The following LRRFIP1 variants were observed in gnomAD, a reference collection of about 807,000 sequenced individuals.
LRRFIP1 encodes the protein leucine-rich repeat flightless-interacting protein 1.
A neutral mutation model predicts 104.4 loss-of-function variants in LRRFIP1; 62 were observed. That is an observed-to-expected ratio of 0.59 (90% CI 0.48 to 0.73). LRRFIP1 has a LOEUF of 0.73. Ranked by LOEUF, LRRFIP1 falls within the 30% of genes least tolerant of loss-of-function variation. The pLI, the probability that LRRFIP1 is intolerant of heterozygous loss-of-function variation, is 0.00. For synonymous variants in LRRFIP1, 300 were observed against 299.0 expected (o/e 1.00, Z -0.03); for missense variants, 796 against 824.5 (o/e 0.97, Z 0.42).
At chr2:237,727,142 G>T (rs1256468926) in intron 7 of LRRFIP1, among the ~76,000 whole-genome samples, 3 of 152,150 alleles carry the variant, frequency 2.0e-5, no homozygotes, top group Admixed American at 6.5e-5. Flanking sequence ...CGGATCACGA[G>T]GTCAGGAGTT....
At chr2:237,732,824 C>T (rs2095070444) in intron 8 of LRRFIP1, among the ~76,000 whole-genome samples, 1 of 152,164 alleles carries the variant, frequency 6.6e-6, no homozygotes, top group Admixed American at 6.5e-5. Context: ...TAATCTGCCT[C>T]CTTGGTCCCT....
Position 237,757,484 on chromosome 2 carries a change from C to A in LRRFIP1, c.1160C>A (p.Ala387Glu). The change falls in exon 17 of 24, where the codon GCG (alanine) becomes GAG (glutamate). Residue 387 changes from alanine to glutamate, a missense_variant. Physicochemically the swap from Ala to Glu is moderately radical, Grantham distance 107 (BLOSUM62 -1). Coordinates refer to ENST00000308482, the MANE Select transcript of LRRFIP1 (RefSeq NM_001137550.2). ...ATCCGACAGCTACAGCAGAAACAGG[C>A]GAGTTCTATCAGGGAGATTTCTGAT... ...EEIRQLQQKQASSIREISDLQ... is the reference protein window; with the variant it reads ...EEIRQLQQKQESSIREISDLQ... 1 of 1,595,986 alleles carries A rather than the reference C, an allele frequency of 6.3e-7. No homozygotes were observed. The highest frequency in any genetic ancestry group is 1.7e-5 in the Admixed American group (1 of 57,354).
chr2:237,750,636 T>C (rs2058507494), intron 13 of LRRFIP1, among the ~76,000 whole-genome samples: 1 of 152,114 alleles, frequency 6.6e-6, no homozygotes, highest in Admixed American at 6.5e-5. Context: ...GCGCCTGGCC[T>C]GTTGTTTCCG....
intron 1 of LRRFIP1, among the ~76,000 whole-genome samples, chr2:237,666,801 T>TTC (rs2089403248): frequency 1.9e-4 from 4 of 21,140 alleles, no homozygotes; most frequent in Non-Finnish European, 2.5e-4. Flanking sequence ...CTCTTTCTCT[T>TTC]TCTTTCTCTT....
intron 1 of LRRFIP1, among the ~76,000 whole-genome samples, chr2:237,647,516 G>T (rs2085121517): frequency 6.6e-6 from 1 of 152,018 alleles, no homozygotes; most frequent in African/African-American, 2.4e-5. Flanking sequence ...TCAGATGGGT[G>T]CCCCCCCACC....
intron 19 of LRRFIP1, chr2:237,764,350 G>A (rs908040131): frequency 6.8e-7 from 1 of 1,478,400 alleles, no homozygotes; most frequent in African/African-American, 1.4e-5. Flanking sequence ...AGACATATTT[G>A]TTATCAGTGT....
At chr2:237,768,993 T>C (rs1451543598) in intron 19 of LRRFIP1, 1 of 152,296 alleles carries the variant, frequency 6.6e-6, no homozygotes, top group Non-Finnish European at 1.5e-5. Context: ...AGTGTTCCCG[T>C]GGCTGGGCCG....
At position 237,739,212 on chromosome 2, in the gene LRRFIP1, G is replaced by A. The variant is rs2095341164; in HGVS notation, c.556-20G>A. ...TCCTTTGTTTCTGGCTGCGTGTCCTGGCGGTGGCTGTGTGGGCAGCCCTCG... is the reference window on the plus strand; with the variant it reads ...TCCTTTGTTTCTGGCTGCGTGTCCTAGCGGTGGCTGTGTGGGCAGCCCTCG... On this transcript the variant is annotated intron_variant, in intron 10 of 23. Coordinates refer to ENST00000308482, the MANE Select transcript of LRRFIP1 (RefSeq NM_001137550.2). 1 of 1,552,148 alleles carries A rather than the reference G, an allele frequency of 6.4e-7. No individual in the cohort carries two copies. Among genetic ancestry groups the A allele is most frequent in the Non-Finnish European group, 8.7e-7 (1 of 1,147,812 alleles).
At chr2:237,677,183 A>G (rs1345589170) in intron 1 of LRRFIP1, among the ~76,000 whole-genome samples, 1 of 152,056 alleles carries the variant, frequency 6.6e-6, no homozygotes, top group African/African-American at 2.4e-5. Context: ...GCCCCCATTA[A>G]ACGCTGACTC....
intron 1 of LRRFIP1, chr2:237,692,095 G>C (rs2092820289): frequency 1.4e-6 from 1 of 725,538 alleles, no homozygotes; most frequent in Non-Finnish European, 1.7e-6. Flanking sequence ...CGAGTCATGG[G>C]GCGGGGACGG....
rs541064729 is a variant in LRRFIP1, at chr2:237,659,582, TTTATA to T, written c.96+31849_96+31853del. On this transcript the variant is annotated intron_variant, in intron 1 of 23. Transcript: ENST00000308482. ...AAAACTATATATAATTTTATATATA[TTTATA>T]TTATATATGTTTATAATATATTTAT... 3.6e-4 allele frequency among the ~76,000 whole-genome samples: 54 copies of T among 148,220 alleles called. 2 individuals carry two copies. In the South Asian group the frequency reaches 0.011, roughly 31 times the overall value.
chr2:237,693,663 G>A (rs2092967794), intron 1 of LRRFIP1, among the ~76,000 whole-genome samples: 1 of 152,178 alleles, frequency 6.6e-6, no homozygotes, highest in Admixed American at 6.5e-5. Context: ...TGGGAATGTG[G>A]TTGAGCGGTG....
At chr2:237,775,365 G>A (rs1436803749) in intron 23 of LRRFIP1, among the ~76,000 whole-genome samples, 1 of 152,234 alleles carries the variant, frequency 6.6e-6, no homozygotes, top group African/African-American at 2.4e-5. Context: ...AGTCAGAGCG[G>A]TGGAGGCCAA....
At chr2:237,693,111 T>A (rs1238494077) in intron 1 of LRRFIP1, among the ~76,000 whole-genome samples, 1 of 152,246 alleles carries the variant, frequency 6.6e-6, no homozygotes, top group African/African-American at 2.4e-5. Flanking sequence ...GGGCTACGGC[T>A]GTAGTTTGGC....
chr2:237,640,569 G>A (rs2083792626), intron 1 of LRRFIP1, among the ~76,000 whole-genome samples: 1 of 152,070 alleles, frequency 6.6e-6, no homozygotes, highest in African/African-American at 2.4e-5. Flanking sequence ...GATGAGAAGG[G>A]GGACTGGATG....
Position 237,717,603 on chromosome 2 carries a change from G to A in LRRFIP1, c.202-159G>A, listed in dbSNP as rs10176219. On this transcript the variant is annotated intron_variant, in intron 3 of 23. Coordinates refer to ENST00000308482, the MANE Select transcript of LRRFIP1 (RefSeq NM_001137550.2). The surrounding 1 kb of genome is among the most constrained non-coding windows in gnomAD (Gnocchi z 4.2). ...GACTGCACGGGTGGCGGTCCCTGTG[G>A]AGAAGCCAGGCCTGGTGCCGACTGC... Among the ~76,000 whole-genome samples, 955 of 152,346 alleles carry A rather than the reference G, an allele frequency of 6.3e-3. 19 individuals carry two copies. The highest frequency in any genetic ancestry group is 0.022 in the African/African-American group (902 of 41,578).
intron 1 of LRRFIP1, among the ~76,000 whole-genome samples, chr2:237,656,561 G>T (rs1050624043): frequency 6.6e-6 from 1 of 152,200 alleles, no homozygotes; most frequent in African/African-American, 2.4e-5. Context: ...TCAAGAACAT[G>T]GTGCCTGGTA....
At chr2:237,681,111 T>TA (rs1178838058) in intron 1 of LRRFIP1, among the ~76,000 whole-genome samples, 1 of 152,268 alleles carries the variant, frequency 6.6e-6, no homozygotes, top group African/African-American at 2.4e-5. Context: ...AACTTTTTTG[T>TA]AGCCCACAGC....
intron 1 of LRRFIP1, among the ~76,000 whole-genome samples, chr2:237,659,804 C>T (rs1287835665): frequency 4.6e-5 from 7 of 151,782 alleles, no homozygotes; most frequent in African/African-American, 1.7e-4. Context: ...CCACGCCCAG[C>T]TAATTTTCCT....
Sources: gnomAD v4.1 joint callset for allele counts (sites outside exome capture counted in the v4.1 genomes callset) on GRCh38, gnomAD v4.1.1 for gene constraint, Gnocchi (gnomAD v3.1) non-coding constraint, MANE v1.5 for transcripts, NCBI Gene and HGNC (gene_info 2026-07-23, HGNC 2026-07-21) for gene names.